PTPRD: variants seen among roughly 807,000 people sequenced by gnomAD.
The protein encoded by PTPRD is protein tyrosine phosphatase receptor type D.
Under a neutral mutation model 214.5 loss-of-function variants are expected in PTPRD, and 34 were observed. The ratio of observed to expected loss-of-function variants is 0.16; its 90% confidence interval spans 0.12 to 0.21. The LOEUF (loss-of-function observed/expected upper bound fraction) is 0.21, where lower values mean the gene tolerates loss of function less well. Among genes scored for constraint, PTPRD ranks in the 10% least tolerant of loss-of-function variants. PTPRD has a pLI of 1.00. For synonymous variants in PTPRD, 1,128 were observed against 845.7 expected (o/e 1.33, Z -5.79); for missense variants, 2,545 against 2,398.7 (o/e 1.06, Z -1.27).
chr9:9,422,252 T>C (rs77128562), intron 8 of PTPRD, among the ~76,000 whole-genome samples: 1,631 of 152,254 alleles, frequency 0.011, 30 homozygotes, highest in East Asian at 0.061. Context: ...AGTAGCTTGC[T>C]CCAGGTCACA....
chr9:8,458,356 C>T (rs1477418204), intron 33 of PTPRD, among the ~76,000 whole-genome samples: 2 of 152,060 alleles, frequency 1.3e-5, no homozygotes, highest in African/African-American at 4.8e-5. Flanking sequence ...ATACCATATA[C>T]ATCTGTTGCT....
intron 31 of PTPRD, among the ~76,000 whole-genome samples, chr9:8,465,986 C>G (rs1161423558): frequency 6.6e-6 from 1 of 151,844 alleles, no homozygotes; most frequent in Non-Finnish European, 1.5e-5. Flanking sequence ...TGCATCATAA[C>G]TTGTCTAAGG....
intron 7 of PTPRD, among the ~76,000 whole-genome samples, chr9:9,587,582 T>C (rs771198370): frequency 3.9e-5 from 6 of 151,986 alleles, no homozygotes; most frequent in African/African-American, 9.7e-5. Context: ...GATACTACAG[T>C]GCTTCTCAAA....
chr9:10,524,625 A>T (rs2053640194), intron 2 of PTPRD, among the ~76,000 whole-genome samples: 2 of 152,096 alleles, frequency 1.3e-5, no homozygotes, highest in South Asian at 4.1e-4. Context: ...ATGTGTTGCC[A>T]TTGAGAGCAC....
chr9:8,413,034 A>G (rs2093647453), intron 35 of PTPRD, among the ~76,000 whole-genome samples: 1 of 152,216 alleles, frequency 6.6e-6, no homozygotes, highest in Non-Finnish European at 1.5e-5. Context: ...TATAAGGAAA[A>G]TTGTTAAGAT....
At chr9:9,207,529 T>G (rs1246039640) in intron 9 of PTPRD, among the ~76,000 whole-genome samples, 1 of 152,176 alleles carries the variant, frequency 6.6e-6, no homozygotes, top group African/African-American at 2.4e-5. Flanking sequence ...TCCCAAAATC[T>G]GACAACATAC....
intron 7 of PTPRD, among the ~76,000 whole-genome samples, chr9:9,695,564 G>A (rs916131189): frequency 1.3e-5 from 2 of 152,084 alleles, no homozygotes; most frequent in African/African-American, 2.4e-5. Context: ...TTATTATTTC[G>A]AGGTATGTTC....
chr9:9,540,855 T>C (rs1448757039), intron 8 of PTPRD, among the ~76,000 whole-genome samples: 1 of 151,712 alleles, frequency 6.6e-6, no homozygotes, highest in African/African-American at 2.4e-5. Context: ...GTAGTGACAT[T>C]GGTTCCACTT....
intron 2 of PTPRD, among the ~76,000 whole-genome samples, chr9:10,590,406 A>T (rs1381009690): frequency 6.6e-6 from 1 of 151,994 alleles, no homozygotes; most frequent in Non-Finnish European, 1.5e-5. Flanking sequence ...GGTAATTACT[A>T]CGCCAAGAGA....
intron 8 of PTPRD, among the ~76,000 whole-genome samples, chr9:9,567,896 G>T (rs1591778479): frequency 6.6e-6 from 1 of 151,840 alleles, no homozygotes; most frequent in Non-Finnish European, 1.5e-5. Flanking sequence ...CAGAAGAGTG[G>T]GGATTGTCAT....
intron 10 of PTPRD, among the ~76,000 whole-genome samples, chr9:9,085,809 G>C (rs1481864813): frequency 1.3e-5 from 2 of 152,048 alleles, no homozygotes; most frequent in East Asian, 3.8e-4. Context: ...TGTACTACCA[G>C]ACCTTTCCAA....
intron 3 of PTPRD, among the ~76,000 whole-genome samples, chr9:10,195,374 A>G (rs1464024755): frequency 6.6e-6 from 1 of 152,028 alleles, no homozygotes; most frequent in East Asian, 1.9e-4. Context: ...CCCCAATTTT[A>G]GATGGTTAAA....
chr9:9,056,120 T>C (rs1329612989), intron 10 of PTPRD, among the ~76,000 whole-genome samples: 1 of 152,174 alleles, frequency 6.6e-6, no homozygotes, highest in Non-Finnish European at 1.5e-5. Context: ...TTAGTTGTTT[T>C]CTAGACTTCT....
At chr9:9,949,084 C>T (rs1490591463) in intron 4 of PTPRD, among the ~76,000 whole-genome samples, 2 of 151,928 alleles carry the variant, frequency 1.3e-5, no homozygotes, top group Admixed American at 6.6e-5. Flanking sequence ...TCATATGTCT[C>T]AAAATCAGAG....
At chr9:8,390,857 GA>G (rs1393931442) in intron 36 of PTPRD, among the ~76,000 whole-genome samples, 2 of 152,162 alleles carry the variant, frequency 1.3e-5, no homozygotes, top group African/African-American at 2.4e-5. Context: ...AGCTGCCTGT[GA>G]GAAGAAGAGA....
chr9:9,598,203 T>C (rs757817169), intron 7 of PTPRD, among the ~76,000 whole-genome samples: 1 of 151,962 alleles, frequency 6.6e-6, no homozygotes, highest in Non-Finnish European at 1.5e-5. Flanking sequence ...GGGTTGCCAA[T>C]GAGAAAATAG....
intron 10 of PTPRD, among the ~76,000 whole-genome samples, chr9:9,098,321 C>T (rs10977490): frequency 0.13 from 19,844 of 151,980 alleles, 1,585 homozygotes; most frequent in East Asian, 0.23. Flanking sequence ...CAGTGGTGTG[C>T]TGTTGGCTCA....
At chr9:9,405,221 C>A (rs915703324) in intron 8 of PTPRD, among the ~76,000 whole-genome samples, 1 of 152,044 alleles carries the variant, frequency 6.6e-6, no homozygotes, top group East Asian at 1.9e-4. Context: ...AAAGCAGATA[C>A]AACAAATTTA....
intron 4 of PTPRD, among the ~76,000 whole-genome samples, chr9:9,948,642 G>A (rs915916016): frequency 9.9e-5 from 15 of 151,876 alleles, no homozygotes; most frequent in African/African-American, 3.6e-4. Flanking sequence ...AAATTTTAAG[G>A]GTAAGTATGC....
Sources: gnomAD v4.1 joint callset for allele counts (sites outside exome capture counted in the v4.1 genomes callset) on GRCh38, gnomAD v4.1.1 for gene constraint, MANE v1.5 for transcripts, NCBI Gene and HGNC (gene_info 2026-07-23, HGNC 2026-07-21) for gene names.